The following HIVEP3 variants were observed in gnomAD, a reference collection of about 807,000 sequenced individuals.
The protein encoded by HIVEP3 is HIVEP zinc finger 3.
A neutral mutation model predicts 152.8 loss-of-function variants in HIVEP3; 49 were observed. The observed-to-expected ratio is 0.32, with a 90% CI of 0.26 to 0.41. HIVEP3 has a LOEUF of 0.41. HIVEP3 is among the 10% of genes least tolerant of loss of function. The pLI is 1.00. For synonymous variants in HIVEP3, 1,269 were observed against 1,289.0 expected, an observed-to-expected ratio of 0.98 and a Z score of 0.33; for missense variants, 2,790 against 3,103.3, an observed-to-expected ratio of 0.90 and a Z score of 2.40.
intron 1 of HIVEP3, among the ~76,000 whole-genome samples, chr1:41,851,538 T>C (rs893681464): frequency 6.6e-5 from 10 of 152,130 alleles, no homozygotes; most frequent in African/African-American, 2.4e-4. Flanking sequence ...CTTGACCTCG[T>C]GATCTGCCAG....
chr1:41,966,935 A>T (rs959152364), intron 1 of HIVEP3, among the ~76,000 whole-genome samples: 4 of 152,226 alleles, frequency 2.6e-5, no homozygotes, highest in African/African-American at 9.6e-5. Flanking sequence ...AAACCAACAA[A>T]GATCAAAAAA....
chr1:41,759,793 G>T (rs902226396), intron 1 of HIVEP3, among the ~76,000 whole-genome samples: 4 of 152,158 alleles, frequency 2.6e-5, no homozygotes, highest in African/African-American at 9.7e-5. Context: ...ACCATGGGTT[G>T]GTCATTTCTT....
chr1:41,620,396 G>C (rs1000137035), intron 3 of HIVEP3, among the ~76,000 whole-genome samples: 2 of 152,166 alleles, frequency 1.3e-5, no homozygotes, highest in African/African-American at 4.8e-5. Context: ...AAGTGGCCTA[G>C]GTGATTTGGC....
intron 3 of HIVEP3, among the ~76,000 whole-genome samples, chr1:41,585,713 C>T (rs761564338): frequency 6.6e-6 from 1 of 152,120 alleles, no homozygotes; most frequent in Non-Finnish European, 1.5e-5. Flanking sequence ...GTTGCCTAAT[C>T]GGTAAAACAG....
At chr1:41,534,045 C>T (rs1351883378) in intron 5 of HIVEP3, among the ~76,000 whole-genome samples, 1 of 152,138 alleles carries the variant, frequency 6.6e-6, no homozygotes, top group Non-Finnish European at 1.5e-5. Flanking sequence ...AATCAATCCA[C>T]CACCACAACC....
intron 3 of HIVEP3, among the ~76,000 whole-genome samples, chr1:41,594,208 G>A (rs1019874953): frequency 6.6e-6 from 1 of 152,062 alleles, no homozygotes; most frequent in Admixed American, 6.6e-5. Context: ...GATATCTTAC[G>A]TTTCAGTTAT....
chr1:41,854,793 C>T (rs1264179134), intron 1 of HIVEP3, among the ~76,000 whole-genome samples: 3 of 58,000 alleles, frequency 5.2e-5, no homozygotes, highest in East Asian at 6.4e-4. Flanking sequence ...TTTGTTCTTG[C>T]GATAGTTTAC....
At chr1:41,910,646 C>A (rs1225944756) in intron 1 of HIVEP3, among the ~76,000 whole-genome samples, 4 of 151,750 alleles carry the variant, frequency 2.6e-5, no homozygotes, top group Admixed American at 6.6e-5. Flanking sequence ...AAGAAATGAA[C>A]CCATTACAAC....
At chr1:41,941,715 G>T (rs989365622) in intron 1 of HIVEP3, among the ~76,000 whole-genome samples, 1 of 152,196 alleles carries the variant, frequency 6.6e-6, no homozygotes, top group Admixed American at 6.5e-5. Context: ...GGCACAACCA[G>T]ACAACTTTTT....
chr1:41,908,640 G>A (rs542889720), intron 1 of HIVEP3, among the ~76,000 whole-genome samples: 6 of 152,274 alleles, frequency 3.9e-5, no homozygotes, highest in African/African-American at 7.2e-5. Flanking sequence ...TTTTCTGAAC[G>A]ATAGTGGATT....
chr1:42,007,029 T>A (rs954903570), intron 1 of HIVEP3, among the ~76,000 whole-genome samples: 1 of 152,222 alleles, frequency 6.6e-6, no homozygotes, highest in Non-Finnish European at 1.5e-5. Context: ...TTGGACTATA[T>A]GTGTTTCCAC....
chr1:41,559,469 G>A (rs1644022789), intron 5 of HIVEP3, among the ~76,000 whole-genome samples: 1 of 152,052 alleles, frequency 6.6e-6, no homozygotes, highest in Admixed American at 6.5e-5. Context: ...CTTTGCTCAG[G>A]ATCTGTCTCC....
chr1:41,895,133 G>A (rs1644507289), intron 1 of HIVEP3, among the ~76,000 whole-genome samples: 1 of 152,160 alleles, frequency 6.6e-6, no homozygotes, highest in Non-Finnish European at 1.5e-5. Flanking sequence ...CACTGATTCA[G>A]GTGAGAAAGA....
intron 1 of HIVEP3, among the ~76,000 whole-genome samples, chr1:41,859,262 GCC>G (rs1034120891): frequency 6.6e-5 from 10 of 152,130 alleles, no homozygotes; most frequent in African/African-American, 2.4e-4. Flanking sequence ...CTGGCACCAT[GCC>G]CAGCCTATAG....
At chr1:41,917,170 G>C (rs1449490760) in intron 1 of HIVEP3, among the ~76,000 whole-genome samples, 2 of 152,144 alleles carry the variant, frequency 1.3e-5, no homozygotes, top group African/African-American at 4.8e-5. Context: ...TCAGTCTGGG[G>C]GAGAGCCAGG....
intron 2 of HIVEP3, among the ~76,000 whole-genome samples, chr1:41,674,865 G>A (rs1001336086): frequency 2.0e-5 from 3 of 152,118 alleles, no homozygotes; most frequent in East Asian, 1.9e-4. Flanking sequence ...TGAGAGGGGC[G>A]GGTAAAGAAA....
Position 41,762,997 on chromosome 1 carries a change from C to A in HIVEP3, c.-800-62002G>T, listed in dbSNP as rs563515850. Among the ~76,000 whole-genome samples, 3 of 152,270 alleles carry A rather than the reference C, an allele frequency of 2.0e-5. No individual in the cohort carries two copies. In the South Asian group the frequency reaches 6.2e-4, roughly 32 times the overall value. ...TGGGCAGCTGAGCCTGCAGGCCTGC[C>A]AAGGTGACTGGGGAATGCCTGAGAG... On this transcript the variant is annotated intron_variant, in intron 1 of 8. Transcript: ENST00000372583.
intron 1 of HIVEP3, among the ~76,000 whole-genome samples, chr1:41,800,894 A>G (rs1650262789): frequency 6.6e-6 from 1 of 152,186 alleles, no homozygotes; most frequent in Admixed American, 6.5e-5. Context: ...ACCCTGAGAC[A>G]AAGGAAGGAA....
At chr1:41,779,012 G>A (rs1023434099) in intron 1 of HIVEP3, among the ~76,000 whole-genome samples, 3 of 152,150 alleles carry the variant, frequency 2.0e-5, no homozygotes, top group Non-Finnish European at 4.4e-5. Context: ...GTGGCTGAAG[G>A]GCCTACTCCA....
Sources: gnomAD v4.1 joint callset for allele counts (sites outside exome capture counted in the v4.1 genomes callset) on GRCh38, gnomAD v4.1.1 for gene constraint, MANE v1.5 for transcripts, NCBI Gene and HGNC (gene_info 2026-07-23, HGNC 2026-07-21) for gene names.